Variants in CORO1C observed in about 807,000 individuals in gnomAD.
The protein encoded by CORO1C is coronin 1C, also known as coronin-1C.
Under a neutral mutation model 51.2 loss-of-function variants are expected in CORO1C, and 14 were observed. That is an observed-to-expected ratio of 0.27 (90% CI 0.18 to 0.43). CORO1C has a LOEUF of 0.43. CORO1C is among the 20% of genes least tolerant of loss of function. The pLI is 1.00. For missense variants in CORO1C, 417 were observed against 607.8 expected (o/e 0.69, Z 3.30); for synonymous variants, 181 against 210.5 (o/e 0.86, Z 1.21).
intron 3 of CORO1C, among the ~76,000 whole-genome samples, chr12:108,670,166 T>G (rs2033660450): frequency 6.6e-6 from 1 of 151,868 alleles, no homozygotes; most frequent in Non-Finnish European, 1.5e-5. Flanking sequence ...CTAGGTGATA[T>G]CCCCAAAATT....
chr12:108,676,730 C>A lies in CORO1C; in HGVS notation c.318+1542G>T, dbSNP rs142738064. 1.9e-3 allele frequency among the ~76,000 whole-genome samples: 283 copies of A among 150,650 alleles called. 1 individual carries two copies. The highest frequency in any genetic ancestry group is 6.8e-3 in the African/African-American group (279 of 41,000). On this transcript the variant is annotated intron_variant, in intron 3 of 10. Transcript: ENST00000261401. ...GAGGTTGCAGTGAGCTGAGATCACGCCATTATACTCCAACCTGGGTGACAA... is the reference window on the plus strand; with the variant it reads ...GAGGTTGCAGTGAGCTGAGATCACGACATTATACTCCAACCTGGGTGACAA...
rs562155534 is a variant in CORO1C, at chr12:108,689,352, T to A, written c.196-10958A>T. 4.6e-5 allele frequency among the ~76,000 whole-genome samples: 7 copies of A among 152,344 alleles called. No homozygotes were observed. The East Asian group carries it at 1.3e-3, about 29-fold the overall frequency. On this transcript the variant is annotated intron_variant, in intron 2 of 10. Coordinates refer to ENST00000261401, the MANE Select transcript of CORO1C (RefSeq NM_014325.4). ...GTTTTCACAAAGTAATAAATTCCCA[T>A]GGTGATAAAAAGTGACACATTCATT...
rs760519774 is a variant in CORO1C, at chr12:108,662,078, G to A, written c.399C>T (p.Val133=). 78 of 1,613,916 alleles carry A rather than the reference G, an allele frequency of 4.8e-5. No homozygotes were observed. Among genetic ancestry groups the A allele is most frequent in the Admixed American group, 3.0e-4 (18 of 60,002 alleles). Residue 133 remains valine, a synonymous_variant, in exon 4 of 11, where the codon GTC becomes GTT. Coordinates refer to ENST00000261401, the MANE Select transcript of CORO1C (RefSeq NM_014325.4). ...VVILEGHSKR[V]GIVAWHPTAR... Reference sequence around the variant, plus strand: ...CCGTTGGATGCCAAGCCACGATGCCGACTCTCTTTGAGTGGCCTTCCAAAA... The same window carrying A: ...CCGTTGGATGCCAAGCCACGATGCCAACTCTCTTTGAGTGGCCTTCCAAAA...
chr12:108,682,534 A>C (rs1241238782), intron 2 of CORO1C, among the ~76,000 whole-genome samples: 1 of 152,216 alleles, frequency 6.6e-6, no homozygotes, highest in Non-Finnish European at 1.5e-5. Flanking sequence ...ATAATTTCAA[A>C]ATAATTAAGG....
chr12:108,647,017 A>G lies in CORO1C; in HGVS notation c.*386T>C, dbSNP rs1490115791. ...TAAAAAAGAAAGAAATATAAAAAGCAATGTGGCATTGGTCCCTATTCATTA... is the reference window on the plus strand; with the variant it reads ...TAAAAAAGAAAGAAATATAAAAAGCGATGTGGCATTGGTCCCTATTCATTA... On this transcript the variant is annotated 3_prime_UTR_variant, in exon 11 of 11. Transcript: ENST00000261401. 1 of 155,200 alleles carries G rather than the reference A, an allele frequency of 6.4e-6. No homozygotes were observed. The highest frequency in any genetic ancestry group is 1.4e-5 in the Non-Finnish European group (1 of 73,650). 9.6% of individuals were successfully genotyped at this position (155,200 alleles called of 1,614,324 possible). A position where few individuals can be genotyped will look rare whatever the true frequency, so the allele number is the denominator to read the frequency against.
intron 2 of CORO1C, among the ~76,000 whole-genome samples, chr12:108,690,724 T>C (rs1484713325): frequency 1.3e-5 from 2 of 152,198 alleles, no homozygotes; most frequent in Non-Finnish European, 2.9e-5. Flanking sequence ...AGACAAGTAA[T>C]TCCATATGAT....
Position 108,678,401 on chromosome 12 carries a change from GA to G in CORO1C, c.196-8del. ...ATTTGTCAATTCGACCAGTCTGAAA[GA>G]AGAGAGAAACAAACCTATTATGTAA... On this transcript the variant is annotated splice_polypyrimidine_tract_variant and splice_region_variant and intron_variant, in intron 2 of 10. Transcript: ENST00000261401. The G allele has an allele frequency of 6.4e-7, 1 of 1,569,272 alleles. No individual in the cohort carries two copies. Among genetic ancestry groups the G allele is most frequent in the South Asian group, 1.2e-5 (1 of 85,606 alleles).
chr12:108,650,432 G>A (rs2032595130), intron 8 of CORO1C, among the ~76,000 whole-genome samples: 1 of 151,906 alleles, frequency 6.6e-6, no homozygotes, highest in South Asian at 2.1e-4. Flanking sequence ...CTCCCACCTT[G>A]GCCTCCCAAA....
At chr12:108,681,142 A>G (rs2034110178) in intron 2 of CORO1C, among the ~76,000 whole-genome samples, 1 of 152,208 alleles carries the variant, frequency 6.6e-6, no homozygotes, top group Non-Finnish European at 1.5e-5. Flanking sequence ...CTGGAACTAT[A>G]GGTGTGTGCC....
At chr12:108,698,052 C>G (rs1246638651) in intron 2 of CORO1C, among the ~76,000 whole-genome samples, 4 of 152,146 alleles carry the variant, frequency 2.6e-5, no homozygotes, top group African/African-American at 4.8e-5. Flanking sequence ...CAGGTAGGAA[C>G]AGCAACTTAG....
At chr12:108,653,778 C>A (rs542535359) in intron 7 of CORO1C, among the ~76,000 whole-genome samples, 2 of 152,158 alleles carry the variant, frequency 1.3e-5, no homozygotes, top group Non-Finnish European at 2.9e-5. Flanking sequence ...ACCCCAGGAA[C>A]AAGAACCCTC....
At chr12:108,711,679 C>CA (rs766919638) in intron 1 of CORO1C, among the ~76,000 whole-genome samples, 1,701 of 60,244 alleles carry the variant, frequency 0.028, 15 homozygotes, top group Non-Finnish European at 0.036. Flanking sequence ...AACTCCGTCT[C>CA]AAAAAAAAAA....
chr12:108,664,360 G>T (rs1327080253), intron 3 of CORO1C, among the ~76,000 whole-genome samples: 3 of 152,174 alleles, frequency 2.0e-5, no homozygotes, highest in Admixed American at 2.0e-4. Flanking sequence ...CTGGATGAGT[G>T]TTTAGGGTTC....
Position 108,647,164 on chromosome 12 carries a change from A to G in CORO1C, c.*239T>C. On this transcript the variant is annotated 3_prime_UTR_variant, in exon 11 of 11. Coordinates refer to ENST00000261401, the MANE Select transcript of CORO1C (RefSeq NM_014325.4). ...TTCAACAAGTCACATAACACTTAAA[A>G]CATCAAAAAAGCTTTCTGATAAAAA... is the stretch of plus-strand genomic sequence containing the variant. 1 of 398,910 alleles carries G rather than the reference A, an allele frequency of 2.5e-6. No individual in the cohort carries two copies. Among genetic ancestry groups the G allele is most frequent in the Non-Finnish European group, 4.4e-6 (1 of 225,076 alleles). 24.7% of individuals were successfully genotyped at this position (398,910 alleles called of 1,614,324 possible).
intron 2 of CORO1C, among the ~76,000 whole-genome samples, chr12:108,699,949 T>G (rs1414388627): frequency 1.3e-5 from 2 of 152,116 alleles, no homozygotes; most frequent in Non-Finnish European, 2.9e-5. Flanking sequence ...GATGTTATAA[T>G]AAAACAAGTT....
intron 3 of CORO1C, among the ~76,000 whole-genome samples, chr12:108,667,640 AAG>A (rs1190202506): frequency 2.0e-5 from 3 of 152,314 alleles, no homozygotes; most frequent in African/African-American, 7.2e-5. Context: ...CCTGGTGCAT[AAG>A]GAAGTGAGGC....
intron 2 of CORO1C, among the ~76,000 whole-genome samples, chr12:108,685,167 T>TA (rs1427881383): frequency 6.6e-6 from 1 of 152,188 alleles, no homozygotes; most frequent in Non-Finnish European, 1.5e-5. Flanking sequence ...TTTTTGAAGT[T>TA]AAAATTAAAT....
intron 3 of CORO1C, among the ~76,000 whole-genome samples, chr12:108,677,593 T>G (rs2136831805): frequency 6.6e-6 from 1 of 152,358 alleles, no homozygotes; most frequent in South Asian, 2.1e-4. Flanking sequence ...GTACAGTCTG[T>G]GCCAGCAGTT....
chr12:108,701,603 A>C lies in CORO1C; in HGVS notation c.-5-280T>G, dbSNP rs771333322. On this transcript the variant is annotated intron_variant, in intron 1 of 10. Transcript: ENST00000261401. ...AATTTCAATGGAAAGATTAAGGGAA[A>C]GAATTAAAGAAAATTAGCCTTTCAG... The C allele has an allele frequency of 3.1e-5, 13 of 422,468 alleles. No individual in the cohort carries two copies. The South Asian group carries it at 3.2e-4, about 10-fold the overall frequency. 26.2% of individuals were successfully genotyped at this position (422,468 alleles called of 1,614,324 possible).
Sources: gnomAD v4.1 joint callset for allele counts (sites outside exome capture counted in the v4.1 genomes callset) on GRCh38, gnomAD v4.1.1 for gene constraint, MANE v1.5 for transcripts, NCBI Gene and HGNC (gene_info 2026-07-23, HGNC 2026-07-21) for gene names.